Variants in METTL9 observed in about 807,000 individuals in gnomAD.
METTL9 encodes the protein protein-L-histidine N-pros-methyltransferase.
A neutral mutation model predicts 36.0 loss-of-function variants in METTL9; 10 were observed. The ratio of observed to expected loss-of-function variants is 0.28; its 90% CI spans 0.17 to 0.47. The LOEUF is 0.47. METTL9 is among the 20% of genes least tolerant of loss of function. The probability of loss-of-function intolerance (pLI) is 0.99; values close to 1 mark genes in which losing one functional copy is unlikely to be tolerated. For synonymous variants in METTL9, 175 were observed against 149.7 expected (o/e 1.17, Z -1.23); for missense variants, 246 against 383.5 (o/e 0.64, Z 3.00).
intron 4 of METTL9, chr16:21,641,022 T>A (rs1269201036): frequency 1.3e-5 from 2 of 152,352 alleles, no homozygotes; most frequent in Admixed American, 1.3e-4. Context: ...TTACTTTGCA[T>A]ACCCTGGCAG....
chr16:21,637,105 G>A (rs1597774475), intron 4 of METTL9, among the ~76,000 whole-genome samples: 1 of 152,172 alleles, frequency 6.6e-6, no homozygotes, highest in East Asian at 1.9e-4. Context: ...AGCTTCCACA[G>A]TATGGAAGGG....
At chr16:21,627,744 C>T (rs189961533) in intron 4 of METTL9, among the ~76,000 whole-genome samples, 9 of 152,154 alleles carry the variant, frequency 5.9e-5, no homozygotes, top group Non-Finnish European at 1.0e-4. Context: ...GTCAGGAGAT[C>T]GAGACCATCC....
chr16:21,637,875 C>T (rs1245464756), intron 4 of METTL9, among the ~76,000 whole-genome samples: 1 of 152,256 alleles, frequency 6.6e-6, no homozygotes, highest in Non-Finnish European at 1.5e-5. Context: ...CGAGGAGGCG[C>T]TGAGAGCGAG....
chr16:21,609,919 C>A (rs1368954353), intron 1 of METTL9, among the ~76,000 whole-genome samples: 2 of 152,090 alleles, frequency 1.3e-5, no homozygotes, highest in Non-Finnish European at 2.9e-5. Flanking sequence ...CTTTTAATTT[C>A]TGGAAGATCT....
intron 4 of METTL9, among the ~76,000 whole-genome samples, chr16:21,630,451 C>T (rs918186810): frequency 2.0e-5 from 3 of 152,350 alleles, no homozygotes; most frequent in Admixed American, 6.5e-5. Context: ...GAGCCGACGC[C>T]GTGGCCGAGG....
At chr16:21,643,672 T>A in intron 4 of METTL9, 1 of 936,190 alleles carries the variant, frequency 1.1e-6, no homozygotes, top group Non-Finnish European at 1.7e-6. Context: ...TCTCATGCCC[T>A]AATAAGATTA....
chr16:21,649,453 C>CG (rs751005675), intron 4 of METTL9, among the ~76,000 whole-genome samples: 2 of 152,128 alleles, frequency 1.3e-5, no homozygotes, highest in Non-Finnish European at 2.9e-5. Context: ...CAGCTCAGCT[C>CG]CATCTCCAGC....
At chr16:21,627,944 C>T (rs1228581570) in intron 4 of METTL9, among the ~76,000 whole-genome samples, 1 of 152,136 alleles carries the variant, frequency 6.6e-6, no homozygotes, top group Non-Finnish European at 1.5e-5. Flanking sequence ...CAGAGCCAGA[C>T]TCCATCTCAA....
chr16:21,610,123 A>C (rs905841210), intron 1 of METTL9, among the ~76,000 whole-genome samples: 9 of 152,164 alleles, frequency 5.9e-5, no homozygotes, highest in Non-Finnish European at 1.2e-4. Flanking sequence ...AAGAAACCTC[A>C]TGTCCATTAG....
In METTL9 at chr16:21,656,117, TA is replaced by T. The variant is rs560567944; in HGVS notation, c.*697del. On this transcript the variant is annotated 3_prime_UTR_variant, in exon 5 of 5. Coordinates refer to ENST00000358154, the MANE Select transcript of METTL9 (RefSeq NM_016025.5). ...CAAATTGCAGTGAACACTGAGTCAG[TA>T]AAAAAAAAAAACAGAAACAAAAACC... The T allele has an allele frequency of 3.9e-4, 54 of 138,062 alleles. No homozygotes were observed. Among genetic ancestry groups the T allele is most frequent in the Middle Eastern group, 3.7e-3 (1 of 272 alleles). The allele number at this position is 138,062 out of a possible 1,614,324, so 8.6% of individuals were successfully genotyped here.
intron 4 of METTL9, among the ~76,000 whole-genome samples, chr16:21,628,066 A>G (rs1965854589): frequency 1.3e-5 from 2 of 152,260 alleles, no homozygotes; most frequent in South Asian, 4.1e-4. Flanking sequence ...CTGTATGTAC[A>G]TTAAAAAAAT....
intron 4 of METTL9, chr16:21,641,480 G>T: frequency 9.7e-7 from 1 of 1,025,770 alleles, no homozygotes; most frequent in Non-Finnish European, 1.5e-6. Context: ...CATTAACACT[G>T]CCATAGCTCC....
intron 4 of METTL9, chr16:21,646,647 G>A: frequency 4.4e-6 from 1 of 224,924 alleles, no homozygotes; most frequent in South Asian, 6.2e-5. Context: ...GTTCGAGATG[G>A]ATTGGAGTAG....
At chr16:21,651,478 T>C (rs1966574914) in intron 4 of METTL9, among the ~76,000 whole-genome samples, 1 of 152,080 alleles carries the variant, frequency 6.6e-6, no homozygotes, top group South Asian at 2.1e-4. Context: ...TTTTTTTTTC[T>C]TGTGTAGAAA....
At chr16:21,611,924 C>T (rs1965434831) in intron 1 of METTL9, among the ~76,000 whole-genome samples, 1 of 152,122 alleles carries the variant, frequency 6.6e-6, no homozygotes, top group Non-Finnish European at 1.5e-5. Context: ...AGAGCCAATT[C>T]CTGGAAATCT....
chr16:21,597,357 T>G (rs1964970513), upstream of METTL9: 19 of 1,146,972 alleles, frequency 1.7e-5, no homozygotes, highest in South Asian at 2.3e-4. Flanking sequence ...CATCGGATGC[T>G]CTGGTTTCTT....
chr16:21,614,647 A>G (rs1965510070), intron 2 of METTL9, among the ~76,000 whole-genome samples: 1 of 152,152 alleles, frequency 6.6e-6, no homozygotes. Flanking sequence ...ACAGGTGGCC[A>G]TCTCTCACAG....
intron 1 of METTL9, among the ~76,000 whole-genome samples, chr16:21,602,356 G>A (rs77167864): frequency 6.6e-6 from 1 of 152,262 alleles, no homozygotes; most frequent in African/African-American, 2.4e-5. Flanking sequence ...GTTTGGAGAG[G>A]CAAGGCTCCT....
rs974600585 is a variant in METTL9, at chr16:21,619,421, A to G, written c.566+1347A>G. Among the ~76,000 whole-genome samples, 21 of 29,264 alleles carry G rather than the reference A, an allele frequency of 7.2e-4. 1 individual carries two copies. The highest frequency in any genetic ancestry group is 2.9e-3 in the African/African-American group (19 of 6,462). 19.2% of individuals were successfully genotyped at this position (29,264 alleles called of 152,430 possible). ...ATCTGGAGTTTGAAAGACTAGGAAG[A>G]AGGGCCTTTTTTTTTTTTCTGGAGA... is the stretch of plus-strand genomic sequence containing the variant. On this transcript the variant is annotated intron_variant, in intron 3 of 4. Coordinates refer to ENST00000358154, the MANE Select transcript of METTL9 (RefSeq NM_016025.5).
Sources: allele counts gnomAD v4.1 joint callset (sites outside exome capture counted in the v4.1 genomes callset), GRCh38; gene constraint gnomAD v4.1.1; transcripts MANE v1.5; gene names NCBI Gene and HGNC (gene_info 2026-07-23, HGNC 2026-07-21).